CROCC2: variants seen among roughly 807,000 people sequenced by gnomAD.
CROCC2 encodes the protein ciliary rootlet coiled-coil protein 2.
In CROCC2, 163 loss-of-function variants were observed where a neutral mutation model predicts 177.6. The ratio of observed to expected loss-of-function variants is 0.92; its 90% confidence interval spans 0.81 to 1.05. CROCC2 has a LOEUF of 1.05. Among genes scored for constraint, CROCC2 ranks in the 50% least tolerant of loss-of-function variants. The pLI, the probability that CROCC2 is intolerant of heterozygous loss-of-function variation, is 0.00. For synonymous variants in CROCC2, 904 were observed against 787.3 expected (o/e 1.15, Z -2.48); for missense variants, 1,929 against 1,797.8 (o/e 1.07, Z -1.32).
chr2:240,956,121 C>T (rs1340803382), intron 19 of CROCC2, 149 bp downstream of exon 19: 11 of 637,450 alleles, frequency 1.7e-5, no homozygotes, highest in Non-Finnish European at 2.8e-5. Context: ...CTCCAGGGCT[C>T]CTGGTGGGAG....
intron 26 of CROCC2, 150 bp from the exon 27 acceptor site, chr2:240,967,979 C>G (rs904206834): frequency 2.6e-6 from 2 of 779,358 alleles, no homozygotes. Flanking sequence ...AAGCCGGGAC[C>G]CTGGGGCAGC....
In CROCC2 at chr2:240,972,551, G is replaced by A. The variant is rs1019433865; in HGVS notation, c.4401+4289G>A. ...CCTCGCCCTTCTGAGTCAGGGTATG[G>A]GGACATGGGGGTCCAACTTTGGGTC... On this transcript the variant is annotated intron_variant, in intron 27 of 31. Transcript: ENST00000690015. The surrounding 1 kb of genome is among the most constrained non-coding windows in gnomAD (Gnocchi z 7.1). Among the ~76,000 whole-genome samples, 4 of 151,978 alleles carry A rather than the reference G, an allele frequency of 2.6e-5. No individual in the cohort carries two copies. Among genetic ancestry groups the A allele is most frequent in the East Asian group, 1.9e-4 (1 of 5,170 alleles).
Position 240,972,421 on chromosome 2 carries a change from A to G in CROCC2, c.4401+4159A>G, listed in dbSNP as rs1363272132. 6.6e-6 allele frequency among the ~76,000 whole-genome samples: 1 copy of G among 151,986 alleles called. No homozygotes were observed. The highest frequency in any genetic ancestry group is 6.6e-5 in the Admixed American group (1 of 15,264). On this transcript the variant is annotated intron_variant, in intron 27 of 31. Coordinates refer to ENST00000690015, the MANE Select transcript of CROCC2 (RefSeq NM_001351305.2). The surrounding 1 kb of genome is among the most constrained non-coding windows in gnomAD (Gnocchi z 7.1). ...CTCCACCTCCCCAGCTGCTTGCCTC[A>G]CAGGGATGGAGGGCTCCCCGGGTCC... is the stretch of plus-strand genomic sequence containing the variant.
intron 5 of CROCC2, among the ~76,000 whole-genome samples, chr2:240,926,965 C>G (rs781598815): frequency 1.3e-5 from 2 of 152,264 alleles, no homozygotes; most frequent in Non-Finnish European, 2.9e-5. Context: ...ATCCCGGGAG[C>G]CGATTCTGCT....
chr2:240,975,392 G>T (rs1272167832), intron 27 of CROCC2, among the ~76,000 whole-genome samples: 2 of 152,222 alleles, frequency 1.3e-5, no homozygotes, highest in East Asian at 3.8e-4. Context: ...CCTGTGACTG[G>T]CCTGAGGGCA....
Position 240,933,176 on chromosome 2 carries a change from C to G in CROCC2, c.1297C>G (p.Leu433Val), listed in dbSNP as rs548420598. ...GTCCTCCCAGGCACTGGTGGCCAGT[C>G]TCCAGGAGCAGCTGTCCGAAAGCCG... ...LKSSQALVAS[L>V]QEQLSESRRE... The change falls in exon 10 of 32, where the codon CTC becomes GTC. Residue 433 changes from leucine to valine, a missense_variant. Physicochemically the swap from Leu to Val is conservative, Grantham distance 32 (BLOSUM62 1). This residue lies in a region of CROCC2 where 1,397 missense variants were observed against 1,239.9 expected (regional missense o/e 1.13). Transcript: ENST00000690015. 6 of 1,549,982 alleles carry G rather than the reference C, an allele frequency of 3.9e-6. No homozygotes were observed. The highest frequency in any genetic ancestry group is 5.2e-6 in the Non-Finnish European group (6 of 1,146,836).
chr2:240,949,882 G>C lies in CROCC2; in HGVS notation c.2652+180G>C, dbSNP rs775662882. On this transcript the variant is annotated intron_variant, in intron 17 of 31. Coordinates refer to ENST00000690015, the MANE Select transcript of CROCC2 (RefSeq NM_001351305.2). The surrounding 1 kb of genome is among the most constrained non-coding windows in gnomAD (Gnocchi z 4.5). Reference sequence around the variant, plus strand: ...CACGTGGGCATCCAGGGCCTTCCCCGTGGAGCCCTCATATTGGGCTTGGGT... The same window carrying C: ...CACGTGGGCATCCAGGGCCTTCCCCCTGGAGCCCTCATATTGGGCTTGGGT... 1.3e-5 allele frequency among the ~76,000 whole-genome samples: 2 copies of C among 152,186 alleles called. No individual in the cohort carries two copies. Among genetic ancestry groups the C allele is most frequent in the African/African-American group, 4.8e-5 (2 of 41,444 alleles).
chr2:240,944,441 G>C (rs1418541582), intron 14 of CROCC2, among the ~76,000 whole-genome samples: 1 of 152,078 alleles, frequency 6.6e-6, no homozygotes, highest in Admixed American at 6.6e-5. Context: ...CATATGATGG[G>C]CATTTTTAGC....
chr2:240,962,290 C>CGGGTG (rs1290127845), intron 20 of CROCC2, among the ~76,000 whole-genome samples: 1 of 108,854 alleles, frequency 9.2e-6, no homozygotes, highest in Admixed American at 1.0e-4. Flanking sequence ...GCAGAGGGAG[C>CGGGTG]GGGTGGGGTG....
chr2:240,990,060 G>A (rs1458289973), intron 30 of CROCC2, among the ~76,000 whole-genome samples: 3 of 152,210 alleles, frequency 2.0e-5, no homozygotes, highest in African/African-American at 7.2e-5. Flanking sequence ...TCTGGGGCAG[G>A]TCACCACCCT....
At chr2:240,928,420 T>TTGTGTGTGTGTGTGTGTGTGTGTG (rs58145871) in intron 5 of CROCC2, among the ~76,000 whole-genome samples, 3 of 147,768 alleles carry the variant, frequency 2.0e-5, no homozygotes, top group East Asian at 2.0e-4. Context: ...TGTGCCTGTT[T>TTGTGTGTGTGTGTGTGTGTGTGTG]TGTGTGTGTG....
intron 27 of CROCC2, chr2:240,981,463 A>T (rs900786548): frequency 4.6e-5 from 7 of 152,332 alleles, no homozygotes; most frequent in Middle Eastern, 3.4e-3. Flanking sequence ...GACACAAGAG[A>T]TGAGAGCAAC....
chr2:240,927,935 G>A (rs910082460), intron 5 of CROCC2, among the ~76,000 whole-genome samples: 1 of 152,242 alleles, frequency 6.6e-6, no homozygotes, highest in African/African-American at 2.4e-5. Flanking sequence ...ACAGGCATGA[G>A]CCACCTCGCC....
In CROCC2 at chr2:240,965,846, C is replaced by T. The variant is rs1433524962; in HGVS notation, c.3814C>T (p.Leu1272=). The T allele has an allele frequency of 4.1e-6, 6 of 1,452,550 alleles. No individual in the cohort carries two copies. The highest frequency in any genetic ancestry group is 5.5e-6 in the Non-Finnish European group (6 of 1,100,296). 90.0% of individuals were successfully genotyped at this position (1,452,550 alleles called of 1,614,324 possible). A position where few individuals can be genotyped will look rare whatever the true frequency, so the allele number is the denominator to read the frequency against. The change falls in exon 24 of 32, where the codon CTG becomes TTG. Residue 1272 remains leucine (L), a synonymous_variant. Transcript: ENST00000690015. ...LDQACHRIHS[L]EQELAQAEGA... ...CCAGGCCTGTCACCGAATCCACAGCCTGGAGCAGGAGCTGGCCCAGGCTGA... is the reference window on the plus strand; with the variant it reads ...CCAGGCCTGTCACCGAATCCACAGCTTGGAGCAGGAGCTGGCCCAGGCTGA...
chr2:240,946,093 C>A lies in CROCC2; in HGVS notation c.2203C>A (p.Leu735Met), dbSNP rs1441069573. 6.5e-7 allele frequency: 1 copy of A among 1,529,520 alleles called. No individual in the cohort carries two copies. The highest frequency in any genetic ancestry group is 2.5e-5 in the East Asian group (1 of 40,348). The allele number at this position is 1,529,520 out of a possible 1,614,324, so 94.7% of individuals were successfully genotyped here. A position where few individuals can be genotyped will look rare whatever the true frequency, so the allele number is the denominator to read the frequency against. ...CCAGAAACAGGCCCTGGAGGAGCAGCTGGCTCAGAGCCTGCAGGACCAGGA... is the reference window on the plus strand; with the variant it reads ...CCAGAAACAGGCCCTGGAGGAGCAGATGGCTCAGAGCCTGCAGGACCAGGA... ...TCQKQALEEQ[L>M]AQSLQDQEAQ... Residue 735 changes from leucine (L) to methionine (M), a missense_variant, in exon 15 of 32, where the codon CTG becomes ATG. By Grantham distance (15) the Leu-to-Met change is conservative. This residue lies in a region of CROCC2 where 1,397 missense variants were observed against 1,239.9 expected (regional missense o/e 1.13). Transcript: ENST00000690015.
At chr2:240,966,771 G>A (rs1262158883) in intron 25 of CROCC2, among the ~76,000 whole-genome samples, 1 of 152,130 alleles carries the variant, frequency 6.6e-6, no homozygotes, top group Non-Finnish European at 1.5e-5. Context: ...AGACCCCTCC[G>A]GTGGGGCCAA....
chr2:240,929,641 C>G (rs375552971), intron 5 of CROCC2: 2 of 455,342 alleles, frequency 4.4e-6, no homozygotes, highest in African/African-American at 2.0e-5. Flanking sequence ...CTTCTGTGTC[C>G]CTGGCACCTT....
chr2:240,965,270 G>T, intron 22 of CROCC2, 111 bp from the exon 23 acceptor site: 1 of 1,458,848 alleles, frequency 6.9e-7, no homozygotes, highest in Non-Finnish European at 9.2e-7. Context: ...GCCTCCCTAA[G>T]TGTGGCCAGC....
rs370465908 is a variant in CROCC2 at position 240,933,318 on chromosome 2, G to C, written c.1439G>C (p.Arg480Pro). The change falls in exon 10 of 32, where the codon CGG becomes CCG. Residue 480 changes from arginine (R) to proline (P), a missense_variant. By Grantham distance (103) the Arg-to-Pro change is moderately radical. Coordinates refer to ENST00000690015, the MANE Select transcript of CROCC2 (RefSeq NM_001351305.2). ...CAGAGGCTCGAGGTGCAGCAGTGCCGGGCATCCTGCAAGCTCCTGGGGAGG... is the reference window on the plus strand; with the variant it reads ...CAGAGGCTCGAGGTGCAGCAGTGCCCGGCATCCTGCAAGCTCCTGGGGAGG... ...EAQRLEVQQC[R>P]ASCKLLGREK... 5.9e-6 allele frequency: 9 copies of C among 1,532,982 alleles called. No homozygotes were observed. The highest frequency in any genetic ancestry group is 7.9e-6 in the Non-Finnish European group (9 of 1,141,442). The allele number at this position is 1,532,982 out of a possible 1,614,324, so 95.0% of individuals were successfully genotyped here. A position where few individuals can be genotyped will look rare whatever the true frequency, so the allele number is the denominator to read the frequency against.
Sources: gnomAD v4.1 joint callset for allele counts (sites outside exome capture counted in the v4.1 genomes callset) on GRCh38, gnomAD v4.1.1 for gene constraint, gnomAD v4.1.1 regional missense constraint, Gnocchi (gnomAD v3.1) non-coding constraint, MANE v1.5 for transcripts, NCBI Gene and HGNC (gene_info 2026-07-23, HGNC 2026-07-21) for gene names.